Variants in UTRN observed in about 807,000 individuals in gnomAD.
The protein encoded by UTRN is dystrophin-related protein 1.
In UTRN, 283 loss-of-function variants were observed where a neutral mutation model predicts 463.9. The ratio of observed to expected loss-of-function variants is 0.61; its 90% CI spans 0.55 to 0.67. The LOEUF is 0.67. UTRN is among the 30% of genes least tolerant of loss of function. The pLI, the probability that UTRN is intolerant of heterozygous loss-of-function variation, is 0.00. For missense variants in UTRN, 3,922 were observed against 4,084.3 expected (o/e 0.96, Z 1.08); for synonymous variants, 1,442 against 1,431.5 (o/e 1.01, Z -0.17).
chr6:144,809,903 G>T (rs1292857016), intron 65 of UTRN, among the ~76,000 whole-genome samples: 1 of 152,100 alleles, frequency 6.6e-6, no homozygotes, highest in Non-Finnish European at 1.5e-5. Context: ...ATTAACAAGA[G>T]AAAAGCATAC....
chr6:144,571,097 T>TA (rs1800899246), intron 50 of UTRN, among the ~76,000 whole-genome samples: 1 of 152,196 alleles, frequency 6.6e-6, no homozygotes, highest in South Asian at 2.1e-4. Context: ...GACTAAATTT[T>TA]ATATATTGAA....
At chr6:144,310,636 G>A (rs560705247) in intron 2 of UTRN, among the ~76,000 whole-genome samples, 2 of 152,014 alleles carry the variant, frequency 1.3e-5, no homozygotes, top group South Asian at 2.1e-4. Flanking sequence ...GGGCGTGGCG[G>A]GGGGTGGGGG....
chr6:144,353,437 T>A (rs79348397), intron 2 of UTRN, among the ~76,000 whole-genome samples: 285 of 150,740 alleles, frequency 1.9e-3, no homozygotes, highest in Non-Finnish European at 2.7e-3. Context: ...TTTTTTTTTT[T>A]AAATAGAAAC....
chr6:144,472,222 A>G lies in UTRN; in HGVS notation c.3067-1498A>G, dbSNP rs574631620. ...CCGACTAGAGATCTTATATGTGCTT[A>G]GGAAAGAATGTCGTGGTCACCAGGA... On this transcript the variant is annotated intron_variant, in intron 23 of 74. Coordinates refer to ENST00000367545, the MANE Select transcript of UTRN (RefSeq NM_007124.3). 1.4e-3 allele frequency among the ~76,000 whole-genome samples: 220 copies of G among 152,326 alleles called. 1 individual carries two copies. Among genetic ancestry groups the G allele is most frequent in the African/African-American group, 5.2e-3 (218 of 41,584 alleles).
At chr6:144,697,386 G>A (rs534428542) in intron 52 of UTRN, among the ~76,000 whole-genome samples, 1 of 152,246 alleles carries the variant, frequency 6.6e-6, no homozygotes, top group South Asian at 2.1e-4. Context: ...TAGGATAATT[G>A]AGAAAGTACC....
At chr6:144,318,545 C>T (rs1278317878) in intron 2 of UTRN, among the ~76,000 whole-genome samples, 3 of 152,154 alleles carry the variant, frequency 2.0e-5, no homozygotes, top group South Asian at 4.1e-4. Flanking sequence ...CTTACTGGAA[C>T]CTCTGCCTCC....
chr6:144,457,208 G>C (rs1788939505), intron 19 of UTRN, among the ~76,000 whole-genome samples: 1 of 152,190 alleles, frequency 6.6e-6, no homozygotes, highest in Non-Finnish European at 1.5e-5. Flanking sequence ...CTCAGGATTA[G>C]AGAAAGGGAG....
At chr6:144,531,619 G>C (rs1043663790) in intron 42 of UTRN, among the ~76,000 whole-genome samples, 28 of 151,920 alleles carry the variant, frequency 1.8e-4, no homozygotes, top group African/African-American at 6.0e-4. Flanking sequence ...AATTATTCTG[G>C]AGCGACAGCA....
At chr6:144,836,254 G>T in intron 70 of UTRN, 47 bp from the exon 71 acceptor site, 2 of 1,610,856 alleles carry the variant, frequency 1.2e-6, no homozygotes, top group South Asian at 2.2e-5. Context: ...TTGGAGAGAC[G>T]ATAATGCACG....
intron 63 of UTRN, 101 bp from the exon 64 acceptor site, chr6:144,797,723 C>G: frequency 8.3e-7 from 1 of 1,200,226 alleles, no homozygotes; most frequent in Non-Finnish European, 1.2e-6. Flanking sequence ...TATATAGTTT[C>G]CTCTTCTGCA....
In UTRN at chr6:144,320,858, A is replaced by T. The variant is rs78669235; in HGVS notation, c.79+28951A>T. Among the ~76,000 whole-genome samples the T allele has an allele frequency of 8.6e-3, 1,316 of 152,232 alleles. 87 individuals carry two copies. The East Asian group carries it at 0.17, about 20-fold the overall frequency. Reference sequence around the variant, plus strand: ...TATTTACCTGAGTCTGCTTTTTGAAATCTGTTAAGTGTTGAGTTTCTATTT... The same window carrying T: ...TATTTACCTGAGTCTGCTTTTTGAATTCTGTTAAGTGTTGAGTTTCTATTT... On this transcript the variant is annotated intron_variant, in intron 2 of 74. Transcript: ENST00000367545.
Position 144,839,252 on chromosome 6 carries a change from C to T in UTRN, c.10145C>T (p.Pro3382Leu). Residue 3382 changes from proline (P) to leucine (L), a missense_variant, in exon 72 of 75, where the codon CCA becomes CTA. This residue lies in a region of UTRN where 1,309 missense variants were observed against 1,452.6 expected (regional missense o/e 0.90). Transcript: ENST00000367545. ...TCTGCACTGAGCTACTCGCTTGATCCAGATGCCTCCGGCCCACAGTTCCAC... is the reference window on the plus strand; with the variant it reads ...TCTGCACTGAGCTACTCGCTTGATCTAGATGCCTCCGGCCCACAGTTCCAC... Reference protein sequence around the residue: ...QHSALSYSLDPDASGPQFHQA... With the variant: ...QHSALSYSLDLDASGPQFHQA... 1 of 1,613,936 alleles carries T rather than the reference C, an allele frequency of 6.2e-7. No homozygotes were observed. The highest frequency in any genetic ancestry group is 8.5e-7 in the Non-Finnish European group (1 of 1,179,952).
chr6:144,813,185 TTA>T (rs754701867), intron 65 of UTRN, among the ~76,000 whole-genome samples: 1 of 148,270 alleles, frequency 6.7e-6, no homozygotes, highest in African/African-American at 2.6e-5. Context: ...TTATTTTTAT[TTA>T]TTTATTTATT....
intron 2 of UTRN, among the ~76,000 whole-genome samples, chr6:144,377,218 A>G (rs868422637): frequency 2.0e-5 from 3 of 152,024 alleles, no homozygotes; most frequent in African/African-American, 7.2e-5. Flanking sequence ...TTGTATTTCA[A>G]TAGAGAAAGG....
intron 2 of UTRN, among the ~76,000 whole-genome samples, chr6:144,312,388 C>T (rs1255021013): frequency 6.7e-6 from 1 of 149,508 alleles, no homozygotes; most frequent in African/African-American, 2.5e-5. Flanking sequence ...TGCGCCACTG[C>T]ACTCCAGCCT....
intron 52 of UTRN, among the ~76,000 whole-genome samples, chr6:144,685,837 GTTGT>G (rs1782695435): frequency 1.3e-5 from 2 of 152,044 alleles, no homozygotes; most frequent in South Asian, 4.1e-4. Context: ...CATTCTGTGG[GTTGT>G]TTTTTTGCTC....
chr6:144,500,015 T>C (rs1562491668), intron 34 of UTRN, among the ~76,000 whole-genome samples: 1 of 152,218 alleles, frequency 6.6e-6, no homozygotes, highest in African/African-American at 2.4e-5. Context: ...CAATCCACCA[T>C]TGATGGGCAC....
chr6:144,547,650 A>G (rs1289300107), intron 46 of UTRN, among the ~76,000 whole-genome samples: 1 of 152,160 alleles, frequency 6.6e-6, no homozygotes, highest in African/African-American at 2.4e-5. Flanking sequence ...TTTCTCTGCC[A>G]CCTACACATT....
chr6:144,774,332 T>A lies in UTRN; in HGVS notation c.8600T>A (p.Ile2867Asn). The A allele has an allele frequency of 6.2e-7, 1 of 1,602,768 alleles. No individual in the cohort carries two copies. ...CGTTTTTCTGCCTACCGTACAGCAATCAAAATCCGAAGACTACAAAAAGCA... is the reference window on the plus strand; with the variant it reads ...CGTTTTTCTGCCTACCGTACAGCAAACAAAATCCGAAGACTACAAAAAGCA... ...NVRFSAYRTA[I>N]KIRRLQKALC... is the part of the protein sequence containing the mutation. The change falls in exon 60 of 75, where the codon ATC becomes AAC. Residue 2867 changes from isoleucine (I) to asparagine (N), a missense_variant. Ile to Asn is a moderately radical substitution (Grantham distance 149). Coordinates refer to ENST00000367545, the MANE Select transcript of UTRN (RefSeq NM_007124.3).
Sources: allele counts gnomAD v4.1 joint callset (sites outside exome capture counted in the v4.1 genomes callset), GRCh38; gene constraint gnomAD v4.1.1; regional missense constraint gnomAD v4.1.1; transcripts MANE v1.5; gene names NCBI Gene and HGNC (gene_info 2026-07-23, HGNC 2026-07-21).